Variants in NACC2 observed in about 807,000 individuals in gnomAD.
The protein encoded by NACC2 is nucleus accumbens-associated protein 2.
A neutral mutation model predicts 25.1 loss-of-function variants in NACC2; 8 were observed. The ratio of observed to expected loss-of-function variants is 0.32; its 90% CI spans 0.19 to 0.57. The LOEUF is 0.57. NACC2 is among the 20% of genes least tolerant of loss of function. NACC2 has a pLI of 0.89. For synonymous variants in NACC2, 435 were observed against 294.7 expected (o/e 1.48, Z -4.88); for missense variants, 644 against 650.2 (o/e 0.99, Z 0.10).
chr9:136,078,957 G>T (rs1026813314), intron 1 of NACC2, among the ~76,000 whole-genome samples: 4 of 152,218 alleles, frequency 2.6e-5, no homozygotes, highest in African/African-American at 7.2e-5. Flanking sequence ...CACCGTCGCC[G>T]GCATGATGCC....
intron 2 of NACC2, among the ~76,000 whole-genome samples, chr9:136,046,329 T>C (rs1483012302): frequency 2.0e-5 from 3 of 152,188 alleles, no homozygotes; most frequent in South Asian, 2.1e-4. Context: ...GGAACTGCAC[T>C]GGGCGTTTCC....
In NACC2 at chr9:136,049,955, G is replaced by A. The variant is rs1210551144; in HGVS notation, c.567C>T (p.Pro189=). 1 of 594,544 alleles carries A rather than the reference G, an allele frequency of 1.7e-6. No homozygotes were observed. The highest frequency in any genetic ancestry group is 1.9e-5 in the African/African-American group (1 of 51,472). 36.8% of individuals were successfully genotyped at this position (594,544 alleles called of 1,614,324 possible). ...ELPPAGPGLA[P]KRPLETGPRD... ...GGGGCCCCGTCTCCAGCGGGCGCTT[G>A]GGGGCCAGGCCTGGGCCGGCCGGCG... Residue 189 remains proline, a synonymous_variant, in exon 2 of 6, where the codon CCC becomes CCT. Transcript: ENST00000277554.
rs1830377785 is a variant in NACC2 at position 136,086,270 on chromosome 9, C to G, written c.-60+8919G>C. Among the ~76,000 whole-genome samples, 1 of 152,210 alleles carries G rather than the reference C, an allele frequency of 6.6e-6. No homozygotes were observed. The highest frequency in any genetic ancestry group is 6.5e-5 in the Admixed American group (1 of 15,286). On this transcript the variant is annotated intron_variant, in intron 1 of 5. Coordinates refer to ENST00000277554, the MANE Select transcript of NACC2 (RefSeq NM_144653.5). This position sits in a 1 kb window ranked among gnomAD's most constrained non-coding sequence, Gnocchi z 5.6. ...AACCCTCACACCGTGCAGCTGGGGACAGGACGAAGGGCACATGCCCCCCGA... is the reference window on the plus strand; with the variant it reads ...AACCCTCACACCGTGCAGCTGGGGAGAGGACGAAGGGCACATGCCCCCCGA...
At chr9:136,074,179 G>A (rs576890927) in intron 1 of NACC2, among the ~76,000 whole-genome samples, 165 of 148,552 alleles carry the variant, frequency 1.1e-3, no homozygotes, top group Non-Finnish European at 1.8e-3. Context: ...GGCCAGGCGC[G>A]GTGGCTCATG....
chr9:136,049,603 C>A (rs770487853), intron 2 of NACC2, 33 bp downstream of exon 2: 143 of 758,852 alleles, frequency 1.9e-4, no homozygotes, highest in Non-Finnish European at 3.0e-4. Flanking sequence ...GCTTCCCAGC[C>A]AGGTGGTGTG....
chr9:136,025,332 G>A (rs868805554), intron 2 of NACC2, among the ~76,000 whole-genome samples: 75 of 152,254 alleles, frequency 4.9e-4, no homozygotes, highest in African/African-American at 1.6e-3. Context: ...CACGATGTCC[G>A]GCCGTCCATA....
At chr9:136,089,129 T>C (rs1035274641) in intron 1 of NACC2, among the ~76,000 whole-genome samples, 1 of 152,286 alleles carries the variant, frequency 6.6e-6, no homozygotes, top group East Asian at 1.9e-4. Context: ...GCGGTTACGT[T>C]TGCAGCACTG....
intron 2 of NACC2, among the ~76,000 whole-genome samples, chr9:136,017,721 G>A (rs1003210482): frequency 9.2e-5 from 14 of 152,188 alleles, no homozygotes; most frequent in Non-Finnish European, 1.9e-4. Context: ...AGGTGAGGGC[G>A]GAGCACCGCC....
chr9:136,013,163 CGGCCCCACCCA>C lies in NACC2; in HGVS notation c.1255+25_1255+35del. Reference sequence around the variant, plus strand: ...TCAGGCTGGGATCTGAACCCAGCCCCGGCCCCACCCACCCGAGAGACCCCCAGGCTCTTACA... The same window carrying C: ...TCAGGCTGGGATCTGAACCCAGCCCCCCCGAGAGACCCCCAGGCTCTTACA... On this transcript the variant is annotated intron_variant, in intron 5 of 5. Transcript: ENST00000277554. The surrounding 1 kb of genome is among the most constrained non-coding windows in gnomAD (Gnocchi z 6.6). 1.2e-6 allele frequency: 1 copy of C among 844,770 alleles called. No homozygotes were observed. The highest frequency in any genetic ancestry group is 2.0e-6 in the Non-Finnish European group (1 of 491,732). 52.3% of individuals were successfully genotyped at this position (844,770 alleles called of 1,614,324 possible). A position where few individuals can be genotyped will look rare whatever the true frequency, so the allele number is the denominator to read the frequency against.
In NACC2 at chr9:136,009,919, G is replaced by C. The variant is rs1840079279; in HGVS notation, c.*1597C>G. ...GAAGCCGAGTTCTGGAGGGACAGAGGTGAGCAACAGACATTTCAAGTCTTG... is the reference window on the plus strand; with the variant it reads ...GAAGCCGAGTTCTGGAGGGACAGAGCTGAGCAACAGACATTTCAAGTCTTG... On this transcript the variant is annotated 3_prime_UTR_variant, in exon 6 of 6. Transcript: ENST00000277554. The C allele has an allele frequency of 6.6e-6, 1 of 152,286 alleles. No homozygotes were observed. Among genetic ancestry groups the C allele is most frequent in the Admixed American group, 6.5e-5 (1 of 15,276 alleles). The allele number at this position is 152,286 out of a possible 1,614,324, so 9.4% of individuals were successfully genotyped here.
At chr9:136,061,547 G>A (rs566065595) in intron 1 of NACC2, among the ~76,000 whole-genome samples, 1 of 152,296 alleles carries the variant, frequency 6.6e-6, no homozygotes, top group African/African-American at 2.4e-5. Context: ...TGGATGGGCC[G>A]TGCTGATTGT....
intron 1 of NACC2, among the ~76,000 whole-genome samples, chr9:136,050,817 GC>G (rs1840819166): frequency 6.6e-6 from 1 of 152,182 alleles, no homozygotes; most frequent in Non-Finnish European, 1.5e-5. Flanking sequence ...CCGGGGTGCT[GC>G]CCGGCAGGAG....
At chr9:136,017,205 G>A (rs1006267180) in intron 2 of NACC2, among the ~76,000 whole-genome samples, 2 of 152,138 alleles carry the variant, frequency 1.3e-5, no homozygotes, top group East Asian at 1.9e-4. Context: ...ACGGCCAGGC[G>A]CCCTGCATCC....
intron 3 of NACC2, among the ~76,000 whole-genome samples, chr9:136,014,183 C>G (rs921708489): frequency 6.6e-6 from 1 of 152,154 alleles, no homozygotes; most frequent in Non-Finnish European, 1.5e-5. Context: ...TCCCAAATCA[C>G]ACATGGAACT....
At chr9:136,057,840 T>A (rs1207110387) in intron 1 of NACC2, among the ~76,000 whole-genome samples, 1 of 152,060 alleles carries the variant, frequency 6.6e-6, no homozygotes, top group Non-Finnish European at 1.5e-5. Context: ...GTGGAAGCGG[T>A]CGGATCCCAG....
At position 136,031,126 on chromosome 9, in the gene NACC2, C is replaced by T. The variant is rs1178239528; in HGVS notation, c.887-14697G>A. Among the ~76,000 whole-genome samples, 4 of 152,258 alleles carry T rather than the reference C, an allele frequency of 2.6e-5. No homozygotes were observed. In the East Asian group the frequency reaches 5.8e-4, roughly 22 times the overall value. On this transcript the variant is annotated intron_variant, in intron 2 of 5. Transcript: ENST00000277554. ...AGAACTCCAGACCAAAATGACTTTG[C>T]CTATGACATTTTTTCAAAGGTTTAA...
rs1830460444 is a variant in NACC2 at position 136,094,025 on chromosome 9, T to C, written c.-60+1164A>G. On this transcript the variant is annotated intron_variant, in intron 1 of 5. Transcript: ENST00000277554. ...AGGGACACGGACTCTGGCAGGAGAG[T>C]GCGGCCGCGCTGGCGGGCGGGAACA... Among the ~76,000 whole-genome samples the C allele has an allele frequency of 2.0e-5, 3 of 151,652 alleles. No individual in the cohort carries two copies. The South Asian group carries it at 6.2e-4, about 32-fold the overall frequency.
chr9:136,060,138 G>A (rs539393629), intron 1 of NACC2, among the ~76,000 whole-genome samples: 19 of 152,356 alleles, frequency 1.2e-4, no homozygotes, highest in Middle Eastern at 3.4e-3. Context: ...AAGGAAGTAC[G>A]GATAATGTAG....
At chr9:136,028,376 CTTTTTTTTT>C (rs756007174) in intron 2 of NACC2, among the ~76,000 whole-genome samples, 1 of 133,206 alleles carries the variant, frequency 7.5e-6, no homozygotes, top group African/African-American at 2.8e-5. Flanking sequence ...CCTTTGCTTC[CTTTTTTTTT>C]TTTTTTTTTG....
Sources: allele counts gnomAD v4.1 joint callset (sites outside exome capture counted in the v4.1 genomes callset), GRCh38; gene constraint gnomAD v4.1.1; non-coding constraint Gnocchi (gnomAD v3.1); transcripts MANE v1.5; gene names NCBI Gene and HGNC (gene_info 2026-07-23, HGNC 2026-07-21).